Variants in TP53BP2 observed in about 807,000 individuals in gnomAD.
TP53BP2 encodes the protein tumor protein p53 binding protein 2.
A neutral mutation model predicts 126.2 loss-of-function variants in TP53BP2; 62 were observed. The ratio of observed to expected loss-of-function variants is 0.49; its 90% CI spans 0.40 to 0.61. TP53BP2 has a LOEUF of 0.61. Among genes scored for constraint, TP53BP2 ranks in the 20% least tolerant of loss-of-function variants. The pLI, the probability that TP53BP2 is intolerant of heterozygous loss-of-function variation, is 0.00. For missense variants in TP53BP2, 1,215 were observed against 1,402.8 expected (o/e 0.87, Z 2.14); for synonymous variants, 485 against 502.9 (o/e 0.96, Z 0.48).
chr1:223,800,528 G>A lies in TP53BP2; in HGVS notation c.1336+172C>T, dbSNP rs376191001. Reference sequence around the variant, plus strand: ...CCCAGGAGGTGGAGGCTGCACCAGTGAGCCATGAGCGCACCACTGCACTCC... The same window carrying A: ...CCCAGGAGGTGGAGGCTGCACCAGTAAGCCATGAGCGCACCACTGCACTCC... On this transcript the variant is annotated intron_variant, in intron 10 of 17. Transcript: ENST00000343537. 2.0e-5 allele frequency among the ~76,000 whole-genome samples: 3 copies of A among 152,228 alleles called. No individual in the cohort carries two copies. The East Asian group carries it at 5.8e-4, about 29-fold the overall frequency.
chr1:223,839,827 C>T (rs568463918), intron 1 of TP53BP2, among the ~76,000 whole-genome samples: 3 of 152,170 alleles, frequency 2.0e-5, no homozygotes, highest in South Asian at 4.2e-4. Context: ...CCCAACTACT[C>T]GGGAGGCTGC....
At chr1:223,797,847 C>T (rs967570363) in intron 12 of TP53BP2, among the ~76,000 whole-genome samples, 1 of 150,406 alleles carries the variant, frequency 6.6e-6, no homozygotes, top group South Asian at 2.2e-4. Flanking sequence ...TATGTATATA[C>T]ACACACACAC....
Position 223,804,286 on chromosome 1 carries a change from C to A in TP53BP2, c.537G>T (p.Gln179His). 6.2e-7 allele frequency: 1 copy of A among 1,613,998 alleles called. No individual in the cohort carries two copies. The highest frequency in any genetic ancestry group is 1.7e-5 in the Admixed American group (1 of 59,984). ...TTTCTTTTAGCCTTTTAAGTTTCTCCTGCTCAGCAACTTGTTGCTGTTGTC... is the reference window on the plus strand; with the variant it reads ...TTTCTTTTAGCCTTTTAAGTTTCTCATGCTCAGCAACTTGTTGCTGTTGTC... ...DQRQQQQVAE[Q>H]EKLKRLKEIA... Residue 179 changes from glutamine to histidine, a missense_variant, in exon 6 of 18, where the codon CAG becomes CAT. Gln to His is a conservative substitution (Grantham distance 24). Around this residue, in one of 4 missense-constraint regions of TP53BP2, gnomAD observed 814 missense variants for 853.0 expected, o/e 0.95. Coordinates refer to ENST00000343537, the MANE Select transcript of TP53BP2 (RefSeq NM_001031685.3).
At chr1:223,828,562 C>G (rs1663581933) in intron 1 of TP53BP2, among the ~76,000 whole-genome samples, 1 of 152,102 alleles carries the variant, frequency 6.6e-6, no homozygotes, top group Non-Finnish European at 1.5e-5. Flanking sequence ...ACTATCTTGC[C>G]TCAAATTTAG....
chr1:223,839,413 C>T (rs532121687), intron 1 of TP53BP2, among the ~76,000 whole-genome samples: 19 of 152,290 alleles, frequency 1.2e-4, no homozygotes, highest in Middle Eastern at 6.8e-3. Flanking sequence ...AGTGAAGCTT[C>T]CACTCCCCCT....
chr1:223,812,977 C>CA (rs1237378796), intron 3 of TP53BP2, among the ~76,000 whole-genome samples: 2 of 152,200 alleles, frequency 1.3e-5, no homozygotes, highest in Non-Finnish European at 2.9e-5. Flanking sequence ...GGATTACAGG[C>CA]ATGAGCCACC....
intron 1 of TP53BP2, among the ~76,000 whole-genome samples, chr1:223,833,589 T>C (rs772924811): frequency 3.5e-4 from 53 of 152,196 alleles, no homozygotes; most frequent in East Asian, 9.6e-4. Context: ...CTGCTGGTCA[T>C]AGATGTCTGG....
intron 1 of TP53BP2, among the ~76,000 whole-genome samples, chr1:223,844,333 A>C (rs1219792903): frequency 6.6e-6 from 1 of 152,260 alleles, no homozygotes; most frequent in Non-Finnish European, 1.5e-5. Context: ...ACAAAAAACA[A>C]GGAAGAAACC....
intron 13 of TP53BP2, among the ~76,000 whole-genome samples, chr1:223,794,015 AG>A (rs1234233354): frequency 1.3e-5 from 2 of 152,222 alleles, no homozygotes; most frequent in Non-Finnish European, 2.9e-5. Context: ...GCTTCTTTAA[AG>A]TCTGCCATCT....
chr1:223,845,539 G>A, intron 1 of TP53BP2, 115 bp downstream of exon 1: 2 of 1,180,228 alleles, frequency 1.7e-6, no homozygotes, highest in Non-Finnish European at 2.2e-6. Flanking sequence ...CGGCCCCTCC[G>A]CGCGGGCTGC....
chr1:223,782,785 A>G (rs931209586), intron 17 of TP53BP2, among the ~76,000 whole-genome samples: 3 of 152,038 alleles, frequency 2.0e-5, no homozygotes, highest in African/African-American at 7.2e-5. Flanking sequence ...TGCATAGTCT[A>G]ATTGTATTTG....
chr1:223,831,475 AAAAAAATATATATATATATATAT>A (rs1320593601), intron 1 of TP53BP2, among the ~76,000 whole-genome samples: 2 of 47,080 alleles, frequency 4.2e-5, no homozygotes, highest in African/African-American at 2.4e-4. Context: ...CTAAAAAAAA[AAAAAAATATATATATATATATAT>A]ATATATATAT....
chr1:223,783,574 T>C (rs1661844099), intron 17 of TP53BP2, among the ~76,000 whole-genome samples: 1 of 152,200 alleles, frequency 6.6e-6, no homozygotes, highest in South Asian at 2.1e-4. Flanking sequence ...GAATCTGTTA[T>C]TCTCGCTTTC....
chr1:223,802,238 C>T lies in TP53BP2; in HGVS notation c.1103G>A (p.Arg368Lys), dbSNP rs1274112233. The T allele has an allele frequency of 1.2e-6, 2 of 1,614,182 alleles. No individual in the cohort carries two copies. Among genetic ancestry groups the T allele is most frequent in the South Asian group, 2.2e-5 (2 of 91,084 alleles). Residue 368 changes from arginine to lysine, a missense_variant, in exon 9 of 18, where the codon AGG becomes AAG. This residue lies in a region of TP53BP2 where 814 missense variants were observed against 853.0 expected (regional missense o/e 0.95). Coordinates refer to ENST00000343537, the MANE Select transcript of TP53BP2 (RefSeq NM_001031685.3). ...QSSTMPRMPSRPELLVKPALP... is the reference protein window; with the variant it reads ...QSSTMPRMPSKPELLVKPALP... ...GGCTGGCTTCACCAGCAATTCAGGC[C>T]TTGAGGGCATCCGAGGCATAGTAGA...
At chr1:223,836,224 C>T (rs375820370) in intron 1 of TP53BP2, among the ~76,000 whole-genome samples, 1 of 152,276 alleles carries the variant, frequency 6.6e-6, no homozygotes, top group Non-Finnish European at 1.5e-5. Context: ...TGGCAAAGTC[C>T]GATGGAGCGG....
In TP53BP2 at chr1:223,804,190, T is replaced by C. The variant is rs756840851; in HGVS notation, c.633A>G (p.Leu211=). 1 of 1,605,614 alleles carries C rather than the reference T, an allele frequency of 6.2e-7. No homozygotes were observed. ...ALKGHVEQKR[L]SNGKLVEEIE... ...ACAACTCACCAAGTTTCCCATTGCT[T>C]AGTCTCTTCTGTTCCACGTGGCCTT... Residue 211 remains leucine, a synonymous_variant, in exon 6 of 18, where the codon CTA becomes CTG. Coordinates refer to ENST00000343537, the MANE Select transcript of TP53BP2 (RefSeq NM_001031685.3).
chr1:223,780,395 G>C lies in TP53BP2; in HGVS notation c.*458C>G, dbSNP rs1661728161. Reference sequence around the variant, plus strand: ...GTGTGCAGTGCCTTCGAGCCTTCAGGTGAGCCCCCCAAGGGCCTGCTGGTG... The same window carrying C: ...GTGTGCAGTGCCTTCGAGCCTTCAGCTGAGCCCCCCAAGGGCCTGCTGGTG... On this transcript the variant is annotated 3_prime_UTR_variant, in exon 18 of 18. Coordinates refer to ENST00000343537, the MANE Select transcript of TP53BP2 (RefSeq NM_001031685.3). 1 of 156,836 alleles carries C rather than the reference G, an allele frequency of 6.4e-6. No homozygotes were observed. Among genetic ancestry groups the C allele is most frequent in the Non-Finnish European group, 1.4e-5 (1 of 71,126 alleles). The allele number at this position is 156,836 out of a possible 1,614,324, so 9.7% of individuals were successfully genotyped here. A position where few individuals can be genotyped will look rare whatever the true frequency, so the allele number is the denominator to read the frequency against.
At chr1:223,783,349 T>A (rs1049676546) in intron 17 of TP53BP2, among the ~76,000 whole-genome samples, 2 of 152,190 alleles carry the variant, frequency 1.3e-5, no homozygotes, top group African/African-American at 4.8e-5. Flanking sequence ...CTACACACCA[T>A]CTTCTGTGTA....
chr1:223,802,226 A>G lies in TP53BP2; in HGVS notation c.1115T>C (p.Leu372Pro). 6.2e-7 allele frequency: 1 copy of G among 1,614,240 alleles called. No individual in the cohort carries two copies. Among genetic ancestry groups the G allele is most frequent in the Non-Finnish European group, 8.5e-7 (1 of 1,180,036 alleles). ...MPRMPSRPEL[L>P]VKPALPDGSL... is the part of the protein sequence containing the mutation. ...ACCATCCGGCAGGGCTGGCTTCACCAGCAATTCAGGCCTTGAGGGCATCCG... is the reference window on the plus strand; with the variant it reads ...ACCATCCGGCAGGGCTGGCTTCACCGGCAATTCAGGCCTTGAGGGCATCCG... The change falls in exon 9 of 18, where the codon CTG (leucine) becomes CCG (proline). Residue 372 changes from leucine (L) to proline (P), a missense_variant. By Grantham distance (98) the Leu-to-Pro change is moderately conservative (BLOSUM62 -3). Around this residue, in one of 4 missense-constraint regions of TP53BP2, gnomAD observed 814 missense variants for 853.0 expected, o/e 0.95. Transcript: ENST00000343537.
Sources: gnomAD v4.1 joint callset for allele counts (sites outside exome capture counted in the v4.1 genomes callset) on GRCh38, gnomAD v4.1.1 for gene constraint, gnomAD v4.1.1 regional missense constraint, MANE v1.5 for transcripts, NCBI Gene and HGNC (gene_info 2026-07-23, HGNC 2026-07-21) for gene names.